Variants in ITPR1 observed in about 807,000 individuals in gnomAD.
ITPR1 encodes the protein inositol 1,4,5-trisphosphate-gated calcium channel ITPR1.
Under a neutral mutation model 318.4 loss-of-function variants are expected in ITPR1, and 96 were observed. That is an observed-to-expected ratio of 0.30 (90% confidence interval 0.26 to 0.36). The LOEUF (loss-of-function observed/expected upper bound fraction) is 0.36. ITPR1 is among the 10% of genes least tolerant of loss of function. ITPR1 has a pLI of 1.00. For synonymous variants in ITPR1, 1,312 were observed against 1,289.9 expected (o/e 1.02, Z -0.37); for missense variants, 2,440 against 3,460.2 (o/e 0.71, Z 7.40).
chr3:4,828,314 C>T (rs926405839), intron 60 of ITPR1, among the ~76,000 whole-genome samples: 5 of 152,106 alleles, frequency 3.3e-5, no homozygotes, highest in South Asian at 2.1e-4. Context: ...CATACATAGC[C>T]ACTGGGAATG....
chr3:4,727,256 GAC>G (rs2042583913), intron 42 of ITPR1, 83 bp downstream of exon 42: 1 of 982,340 alleles, frequency 1.0e-6, no homozygotes, highest in African/African-American at 1.6e-5. Flanking sequence ...GTGATTGAGA[GAC>G]AGCTTTTGTT....
chr3:4,681,754 TAGAA>T (rs538500004), intron 26 of ITPR1, among the ~76,000 whole-genome samples: 9 of 151,642 alleles, frequency 5.9e-5, no homozygotes, highest in Non-Finnish European at 1.2e-4. Flanking sequence ...AAAAGAAGAA[TAGAA>T]AGAGAGAGGG....
intron 61 of ITPR1, among the ~76,000 whole-genome samples, chr3:4,842,768 G>A (rs1284935519): frequency 6.6e-6 from 1 of 152,072 alleles, no homozygotes; most frequent in East Asian, 1.9e-4. Context: ...TTACTCAAGA[G>A]TCAATTTTGT....
chr3:4,788,080 A>G lies in ITPR1; in HGVS notation c.6749A>G (p.Asp2250Gly), dbSNP rs758465204. The change falls in exon 52 of 62, where the codon GAT becomes GGT. Residue 2250 changes from aspartate to glycine, a missense_variant. Around this residue, in one of 23 missense-constraint regions of ITPR1, gnomAD observed 115 missense variants for 204.5 expected, o/e 0.56. Coordinates refer to ENST00000649015, the MANE Select transcript of ITPR1 (RefSeq NM_001378452.1). ...ERDEQGSKIN[D>G]FFLRSEDLFN... is the part of the protein sequence containing the mutation. ...GACGAACAAGGCAGCAAAATCAATG[A>G]TTTCTTTCTGCGGTCTGAAGACCTC... 7 of 1,611,320 alleles carry G rather than the reference A, an allele frequency of 4.3e-6. No individual in the cohort carries two copies. Among genetic ancestry groups the G allele is most frequent in the Non-Finnish European group, 5.9e-6 (7 of 1,178,646 alleles).
At chr3:4,761,751 G>C (rs1290864626) in intron 44 of ITPR1, among the ~76,000 whole-genome samples, 1 of 152,202 alleles carries the variant, frequency 6.6e-6, no homozygotes, top group Non-Finnish European at 1.5e-5. Context: ...CGTGCTTCAG[G>C]AGCCTGGGGC....
chr3:4,782,018 G>A (rs1484157454), intron 49 of ITPR1, among the ~76,000 whole-genome samples: 1 of 152,152 alleles, frequency 6.6e-6, no homozygotes, highest in Non-Finnish European at 1.5e-5. Context: ...CCTTATAAAT[G>A]TTTGTGAGCA....
chr3:4,760,786 C>T (rs965562223), intron 44 of ITPR1, among the ~76,000 whole-genome samples: 5 of 152,168 alleles, frequency 3.3e-5, no homozygotes, highest in African/African-American at 4.8e-5. Context: ...CACATTGCCT[C>T]TCGCCACCCT....
intron 4 of ITPR1, among the ~76,000 whole-genome samples, chr3:4,531,536 G>A (rs192629680): frequency 6.6e-6 from 1 of 152,226 alleles, no homozygotes; most frequent in African/African-American, 2.4e-5. Context: ...GTTGTGCTCA[G>A]GATAAAAGAC....
chr3:4,591,945 G>T (rs1041318948), intron 4 of ITPR1, among the ~76,000 whole-genome samples: 2 of 152,118 alleles, frequency 1.3e-5, no homozygotes, highest in Non-Finnish European at 2.9e-5. Context: ...AGATTGAAAG[G>T]GCTTTTCAGT....
At chr3:4,523,444 G>A (rs1003086279) in intron 4 of ITPR1, among the ~76,000 whole-genome samples, 30 of 151,194 alleles carry the variant, frequency 2.0e-4, no homozygotes, top group African/African-American at 6.8e-4. Flanking sequence ...TTTTTGGTGA[G>A]AACATTTAAA....
intron 4 of ITPR1, among the ~76,000 whole-genome samples, chr3:4,623,149 G>A (rs1259656545): frequency 2.6e-5 from 4 of 152,128 alleles, no homozygotes; most frequent in African/African-American, 9.7e-5. Context: ...CCTCTTAAGT[G>A]TGCACCACAA....
intron 2 of ITPR1, among the ~76,000 whole-genome samples, chr3:4,504,822 T>C (rs1477375993): frequency 6.6e-6 from 1 of 152,228 alleles, no homozygotes. Flanking sequence ...CTCTACCTCG[T>C]ATTTACAGCC....
chr3:4,676,969 C>G (rs2094197595), intron 24 of ITPR1, among the ~76,000 whole-genome samples, 168 bp downstream of exon 24: 1 of 152,188 alleles, frequency 6.6e-6, no homozygotes, highest in South Asian at 2.1e-4. Flanking sequence ...AATCCCTTTA[C>G]TGCTTTCTCC....
intron 4 of ITPR1, among the ~76,000 whole-genome samples, chr3:4,625,790 C>T (rs906459518): frequency 6.6e-6 from 1 of 152,156 alleles, no homozygotes; most frequent in Admixed American, 6.5e-5. Context: ...ATCTCCTGAC[C>T]TCATGATCCA....
At chr3:4,743,117 G>A (rs1176932503) in intron 44 of ITPR1, among the ~76,000 whole-genome samples, 4 of 152,240 alleles carry the variant, frequency 2.6e-5, no homozygotes, top group Admixed American at 1.3e-4. Flanking sequence ...GGTTTGAAGT[G>A]CTCCCTGGCC....
intron 4 of ITPR1, among the ~76,000 whole-genome samples, chr3:4,585,522 C>G (rs1236814236): frequency 1.3e-5 from 2 of 152,080 alleles, no homozygotes; most frequent in Non-Finnish European, 2.9e-5. Flanking sequence ...CTGCAAACTC[C>G]ACCTCCCAGG....
chr3:4,521,829 C>T (rs967219929), intron 4 of ITPR1, among the ~76,000 whole-genome samples: 1 of 152,118 alleles, frequency 6.6e-6, no homozygotes, highest in Non-Finnish European at 1.5e-5. Flanking sequence ...GAGATCGCAC[C>T]ACTGTACTCC....
chr3:4,509,656 A>G (rs1388474934), intron 2 of ITPR1, among the ~76,000 whole-genome samples: 1 of 152,170 alleles, frequency 6.6e-6, no homozygotes, highest in Non-Finnish European at 1.5e-5. Flanking sequence ...ACTTAGCCAG[A>G]CATGGTGGTA....
At chr3:4,694,435 C>CGT (rs1016817528) in intron 33 of ITPR1, among the ~76,000 whole-genome samples, 5 of 99,096 alleles carry the variant, frequency 5.0e-5, no homozygotes, top group Non-Finnish European at 8.9e-5. Flanking sequence ...TGACATATAT[C>CGT]ATATAATGTT....
Sources: allele counts gnomAD v4.1 joint callset (sites outside exome capture counted in the v4.1 genomes callset), GRCh38; gene constraint gnomAD v4.1.1; regional missense constraint gnomAD v4.1.1; transcripts MANE v1.5; gene names NCBI Gene and HGNC (gene_info 2026-07-23, HGNC 2026-07-21).